Variants in TTF1 observed in about 807,000 individuals in gnomAD.
TTF1 encodes transcription termination factor, RNA polymerase I.
A neutral mutation model predicts 80.2 loss-of-function variants in TTF1; 64 were observed. The ratio of observed to expected loss-of-function variants is 0.80; its 90% confidence interval spans 0.65 to 0.98. The LOEUF is 0.98. TTF1 is among the 50% of genes least tolerant of loss of function. TTF1 has a pLI of 0.00. For missense variants in TTF1, 1,023 were observed against 1,086.2 expected (o/e 0.94, Z 0.82); for synonymous variants, 372 against 382.7 (o/e 0.97, Z 0.33).
At chr9:132,378,974 C>T in intron 10 of TTF1, 85 bp downstream of exon 10, 1 of 984,564 alleles carries the variant, frequency 1.0e-6, no homozygotes, top group African/African-American at 1.7e-5. Context: ...GCTCTAAGTC[C>T]AGTCACCTGC....
chr9:132,397,425 C>A (rs796409067), intron 4 of TTF1, among the ~76,000 whole-genome samples: 3 of 152,244 alleles, frequency 2.0e-5, no homozygotes, highest in Admixed American at 6.5e-5. Context: ...ACAGCATGAC[C>A]TTCTAACTTC....
chr9:132,393,562 T>C (rs1304090858), intron 5 of TTF1, among the ~76,000 whole-genome samples: 2 of 152,244 alleles, frequency 1.3e-5, no homozygotes, highest in African/African-American at 2.4e-5. Context: ...TTAATATCTA[T>C]AGAAACAATG....
chr9:132,396,893 G>A (rs982735660), intron 4 of TTF1, among the ~76,000 whole-genome samples: 4 of 151,952 alleles, frequency 2.6e-5, no homozygotes, highest in African/African-American at 9.7e-5. Flanking sequence ...GTTTCATTTG[G>A]TGAAGGCTGC....
chr9:132,391,590 G>T (rs1018272358), intron 6 of TTF1, among the ~76,000 whole-genome samples: 1 of 152,190 alleles, frequency 6.6e-6, no homozygotes, highest in African/African-American at 2.4e-5. Flanking sequence ...CTGTGTGGCC[G>T]GAGTGTGTGA....
chr9:132,398,281 T>C lies in TTF1; in HGVS notation c.1637A>G (p.Gln546Arg). The stretch of plus-strand genomic sequence containing the variant: ...AAAGTCTTCCACATTTTTCTCTAAC[T>C]GCTTATTTTCCTTTACAGAAAACTT... ...FGKFSVKENK[Q>R]LEKNVEDFLA... The change falls in exon 4 of 11, where the codon CAG (glutamine) becomes CGG (arginine). Residue 546 changes from glutamine (Q) to arginine (R), a missense_variant. Gln to Arg is a conservative substitution (Grantham distance 43, BLOSUM62 1). Transcript: ENST00000334270. The C allele has an allele frequency of 6.2e-7, 1 of 1,609,754 alleles. No individual in the cohort carries two copies. Among genetic ancestry groups the C allele is most frequent in the Non-Finnish European group, 8.5e-7 (1 of 1,178,616 alleles).
chr9:132,391,357 G>A (rs774072240), intron 6 of TTF1, among the ~76,000 whole-genome samples: 4 of 152,144 alleles, frequency 2.6e-5, no homozygotes, highest in Admixed American at 1.3e-4. Context: ...TCACGGTCAC[G>A]CTAAGTAAGG....
chr9:132,401,983 T>C lies in TTF1; in HGVS notation c.839A>G (p.Lys280Arg). 9.9e-6 allele frequency: 16 copies of C among 1,613,952 alleles called. No homozygotes were observed. The highest frequency in any genetic ancestry group is 1.4e-5 in the Non-Finnish European group (16 of 1,179,956). ...AAATTCCTGGTGATTGGACTTTTTC[T>C]TCTTTTTTTTCTTAGACTTTTTTTT... ...THKKKSKKKK[K>R]KKSNHQEFEA... Residue 280 changes from lysine (K) to arginine (R), a missense_variant, in exon 2 of 11, where the codon AAG becomes AGG. Physicochemically the swap from Lys to Arg is conservative, Grantham distance 26. Coordinates refer to ENST00000334270, the MANE Select transcript of TTF1 (RefSeq NM_007344.4).
intron 10 of TTF1, among the ~76,000 whole-genome samples, chr9:132,377,719 T>TGTG (rs1491582653): frequency 2.4e-4 from 27 of 114,834 alleles, no homozygotes; most frequent in East Asian, 5.9e-4. Flanking sequence ...TGTGAGTGCA[T>TGTG]GTGTGTGTGA....
intron 5 of TTF1, among the ~76,000 whole-genome samples, chr9:132,393,341 A>C (rs752322854): frequency 9.1e-4 from 138 of 151,114 alleles, no homozygotes; most frequent in Middle Eastern, 3.4e-3. Context: ...CCTAATGCTC[A>C]CGCTGGAAGG....
At chr9:132,387,290 C>A (rs571889199) in intron 8 of TTF1, among the ~76,000 whole-genome samples, 1 of 152,078 alleles carries the variant, frequency 6.6e-6, no homozygotes, top group Admixed American at 6.6e-5. Context: ...TACAGTAACC[C>A]TCCCCCCCCA....
At chr9:132,390,489 T>C (rs471890) in intron 7 of TTF1, 108 bp downstream of exon 7, 1,046,514 of 1,074,922 alleles carry the variant, frequency 0.97, 511,778 homozygotes, top group Non-Finnish European at 1. Flanking sequence ...CTAGACACGA[T>C]TGTTCTTGAC....
At chr9:132,377,510 GGT>G (rs1238860456) in intron 10 of TTF1, among the ~76,000 whole-genome samples, 1 of 112,494 alleles carries the variant, frequency 8.9e-6, no homozygotes, top group African/African-American at 3.5e-5. Context: ...GCATGCATGT[GGT>G]GTGAGTGCAT....
chr9:132,404,893 C>CT (rs796711549), intron 1 of TTF1, among the ~76,000 whole-genome samples: 23 of 149,046 alleles, frequency 1.5e-4, no homozygotes, highest in East Asian at 7.8e-4. Context: ...TCTTTTTTTT[C>CT]TTTTTTTTTT....
intron 10 of TTF1, 79 bp downstream of exon 10, chr9:132,378,980 C>T (rs1450471122): frequency 9.1e-7 from 1 of 1,100,160 alleles, no homozygotes; most frequent in Non-Finnish European, 1.3e-6. Flanking sequence ...AGTCCAGTCA[C>T]CTGCCTAGGT....
At chr9:132,378,026 GTGCATGTGGTGTGTGTGTGAA>G (rs1849263644) in intron 10 of TTF1, among the ~76,000 whole-genome samples, 6 of 140,866 alleles carry the variant, frequency 4.3e-5, no homozygotes, top group East Asian at 2.3e-4. Context: ...TGTGGTGTGA[GTGCATGTGGTGTGTGTGTGAA>G]TGCATGTGGT....
intron 10 of TTF1, among the ~76,000 whole-genome samples, chr9:132,376,974 C>A (rs895057004): frequency 6.6e-6 from 1 of 152,110 alleles, no homozygotes; most frequent in African/African-American, 2.4e-5. Context: ...TGCATCTGGC[C>A]AGAAATTTGT....
chr9:132,382,108 T>C (rs1312168758), intron 9 of TTF1, among the ~76,000 whole-genome samples: 1 of 152,162 alleles, frequency 6.6e-6, no homozygotes, highest in Non-Finnish European at 1.5e-5. Context: ...AAGCAGTAAG[T>C]TGAGATATCG....
At chr9:132,394,603 T>C (rs753808290) in intron 5 of TTF1, among the ~76,000 whole-genome samples, 15 of 152,108 alleles carry the variant, frequency 9.9e-5, no homozygotes, top group Admixed American at 2.0e-4. Context: ...TTAAGAATCA[T>C]GGCTGTAAGC....
At chr9:132,398,444 A>T (rs536723534) in intron 3 of TTF1, 118 bp from the exon 4 acceptor site, 30 of 1,021,236 alleles carry the variant, frequency 2.9e-5, no homozygotes, top group Non-Finnish European at 3.9e-5. Flanking sequence ...CCAACACCTG[A>T]CATTCGCCCT....
Sources: allele counts gnomAD v4.1 joint callset (sites outside exome capture counted in the v4.1 genomes callset), GRCh38; gene constraint gnomAD v4.1.1; transcripts MANE v1.5; gene names NCBI Gene and HGNC (gene_info 2026-07-23, HGNC 2026-07-21).